The following GOLGA7B variants were observed in gnomAD, a reference collection of about 807,000 sequenced individuals.
The protein encoded by GOLGA7B is golgin subfamily A member 7B.
GOLGA7B carries 17 observed loss-of-function variants against 21.5 expected under a neutral mutation model. That is an observed-to-expected ratio of 0.79 (90% confidence interval 0.54 to 1.19). The LOEUF (loss-of-function observed/expected upper bound fraction) is 1.19, where lower values mean the gene tolerates loss of function less well. GOLGA7B is among the 50% of genes most tolerant of loss of function. GOLGA7B has a pLI of 0.00. For synonymous variants in GOLGA7B, 87 were observed against 84.0 expected (o/e 1.04, Z -0.19); for missense variants, 169 against 224.4 (o/e 0.75, Z 1.58).
chr10:97,850,230 A>AC lies in GOLGA7B; in HGVS notation c.-72dup. The AC allele has an allele frequency of 8.8e-7, 1 of 1,134,488 alleles. No homozygotes were observed. Among genetic ancestry groups the AC allele is most frequent in the Non-Finnish European group, 1.2e-6 (1 of 863,472 alleles). 70.3% of individuals were successfully genotyped at this position (1,134,488 alleles called of 1,614,324 possible). A position where few individuals can be genotyped will look rare whatever the true frequency, so the allele number is the denominator to read the frequency against. ...CAGCTCGCCGCCACCGCCGCCGCCC[A>AC]CCTGCTCCCGGGGTCAGCACCGCGG... On this transcript the variant is annotated 5_prime_UTR_variant, in exon 1 of 5. Transcript: ENST00000370602.
chr10:97,860,059 T>C (rs1007199112), intron 2 of GOLGA7B, among the ~76,000 whole-genome samples: 3 of 152,184 alleles, frequency 2.0e-5, no homozygotes, highest in African/African-American at 7.2e-5. Flanking sequence ...CATTAGACTC[T>C]CTAGGGGTGG....
chr10:97,859,680 A>G (rs1007727261), intron 2 of GOLGA7B, 97 bp downstream of exon 2: 3 of 1,248,724 alleles, frequency 2.4e-6, no homozygotes, highest in East Asian at 2.4e-5. Flanking sequence ...GACACATAAT[A>G]TCATAGGACA....
In GOLGA7B at chr10:97,854,504, T is replaced by A. The variant is rs958192874; in HGVS notation, c.12+4189T>A. The stretch of plus-strand genomic sequence containing the variant: ...CTGTAATATATGTACTCTATGTAGG[T>A]CTGGGAGACTAAGGCTCTGCCATAT... On this transcript the variant is annotated intron_variant, in intron 1 of 4. Transcript: ENST00000370602. Among the ~76,000 whole-genome samples the A allele has an allele frequency of 1.7e-4, 26 of 152,206 alleles. 1 individual carries two copies. The highest frequency in any genetic ancestry group is 9.2e-4 in the Admixed American group (14 of 15,290).
At chr10:97,856,217 AC>A (rs1254511056) in intron 1 of GOLGA7B, among the ~76,000 whole-genome samples, 2 of 151,836 alleles carry the variant, frequency 1.3e-5, no homozygotes, top group African/African-American at 4.8e-5. Context: ...TAATTTTTTA[AC>A]CCTCACCCCC....
chr10:97,871,477 A>G lies in GOLGA7B; in HGVS notation c.*5777A>G, dbSNP rs2050092915. ...TAGGACCTCGTTATACGATGGCCTC[A>G]TGATGTAGATTTATAGCAGGCTTCA... On this transcript the variant is annotated 3_prime_UTR_variant, in exon 5 of 5. Coordinates refer to ENST00000370602, the MANE Select transcript of GOLGA7B (RefSeq NM_001010917.3). 6.6e-6 allele frequency: 1 copy of G among 152,246 alleles called. No individual in the cohort carries two copies. The highest frequency in any genetic ancestry group is 1.5e-5 in the Non-Finnish European group (1 of 68,048). The allele number at this position is 152,246 out of a possible 1,614,324, so 9.4% of individuals were successfully genotyped here. A position where few individuals can be genotyped will look rare whatever the true frequency, so the allele number is the denominator to read the frequency against.
At chr10:97,861,331 G>A (rs1049385946) in intron 2 of GOLGA7B, among the ~76,000 whole-genome samples, 2 of 152,208 alleles carry the variant, frequency 1.3e-5, no homozygotes, top group African/African-American at 4.8e-5. Flanking sequence ...TCTTTTGTGG[G>A]TACAGATCAA....
Position 97,868,179 on chromosome 10 carries a change from T to G in GOLGA7B, c.*2479T>G, listed in dbSNP as rs951371639. The G allele has an allele frequency of 1.3e-5, 2 of 152,220 alleles. No homozygotes were observed. Among genetic ancestry groups the G allele is most frequent in the Non-Finnish European group, 2.9e-5 (2 of 68,044 alleles). 9.4% of individuals were successfully genotyped at this position (152,220 alleles called of 1,614,324 possible). A position where few individuals can be genotyped will look rare whatever the true frequency, so the allele number is the denominator to read the frequency against. ...GATGTTGGAACCTAGCAGAGTTGTGTCTTGAATTTTATAATTTATTGAGCA... is the reference window on the plus strand; with the variant it reads ...GATGTTGGAACCTAGCAGAGTTGTGGCTTGAATTTTATAATTTATTGAGCA... On this transcript the variant is annotated 3_prime_UTR_variant, in exon 5 of 5. Coordinates refer to ENST00000370602, the MANE Select transcript of GOLGA7B (RefSeq NM_001010917.3).
chr10:97,851,101 C>T (rs1383759360), intron 1 of GOLGA7B, among the ~76,000 whole-genome samples: 1 of 152,080 alleles, frequency 6.6e-6, no homozygotes, highest in African/African-American at 2.4e-5. Context: ...TCTTTATGTT[C>T]CCACTTTATA....
At chr10:97,862,376 T>G (rs1023762418) in intron 2 of GOLGA7B, among the ~76,000 whole-genome samples, 1 of 152,180 alleles carries the variant, frequency 6.6e-6, no homozygotes, top group Admixed American at 6.5e-5. Context: ...TCTAAAAACT[T>G]AACTACTAGT....
chr10:97,850,581 G>A (rs769796862), intron 1 of GOLGA7B, among the ~76,000 whole-genome samples: 32 of 152,212 alleles, frequency 2.1e-4, no homozygotes, highest in Non-Finnish European at 4.0e-4. Flanking sequence ...CCCCAGGCTG[G>A]GGTTTCCCCT....
intron 2 of GOLGA7B, among the ~76,000 whole-genome samples, chr10:97,861,024 CTG>C (rs2049968194): frequency 6.6e-6 from 1 of 152,236 alleles, no homozygotes; most frequent in South Asian, 2.1e-4. Context: ...GTTACTAAAA[CTG>C]TGGCCTGTGG....
chr10:97,865,396 C>T (rs1201779248), intron 4 of GOLGA7B, 194 bp from the exon 5 acceptor site: 2 of 918,984 alleles, frequency 2.2e-6, no homozygotes, highest in Non-Finnish European at 3.1e-6. Flanking sequence ...CCTTACGAGT[C>T]TCCCTAATTG....
chr10:97,854,105 G>A (rs2049920501), intron 1 of GOLGA7B, among the ~76,000 whole-genome samples: 1 of 152,216 alleles, frequency 6.6e-6, no homozygotes, highest in African/African-American at 2.4e-5. Context: ...CGTGGCAATA[G>A]TCATCTGTCT....
chr10:97,854,148 C>T (rs922000832), intron 1 of GOLGA7B, among the ~76,000 whole-genome samples: 1 of 152,158 alleles, frequency 6.6e-6, no homozygotes, highest in African/African-American at 2.4e-5. Flanking sequence ...TCTAATTAGC[C>T]CCAGGCCCCA....
chr10:97,865,808 C>T lies in GOLGA7B; in HGVS notation c.*108C>T, dbSNP rs899993403. 16 of 1,401,298 alleles carry T rather than the reference C, an allele frequency of 1.1e-5. No individual in the cohort carries two copies. Among genetic ancestry groups the T allele is most frequent in the Admixed American group, 5.2e-5 (2 of 38,768 alleles). The allele number at this position is 1,401,298 out of a possible 1,614,324, so 86.8% of individuals were successfully genotyped here. A position where few individuals can be genotyped will look rare whatever the true frequency, so the allele number is the denominator to read the frequency against. The stretch of plus-strand genomic sequence containing the variant: ...GCTTCTGAGTCATTCTTTGGGCTCA[C>T]CCTGCTGCCCGGGGTGGGAGGGAGG... On this transcript the variant is annotated 3_prime_UTR_variant, in exon 5 of 5. Coordinates refer to ENST00000370602, the MANE Select transcript of GOLGA7B (RefSeq NM_001010917.3).
At chr10:97,864,775 A>G (rs546558800) in intron 4 of GOLGA7B, among the ~76,000 whole-genome samples, 69 of 152,298 alleles carry the variant, frequency 4.5e-4, no homozygotes, top group Non-Finnish European at 8.7e-4. Context: ...GATGAGAGAC[A>G]TGAGGTCTAG....
chr10:97,853,145 G>A (rs1368887061), intron 1 of GOLGA7B, among the ~76,000 whole-genome samples: 2 of 152,204 alleles, frequency 1.3e-5, no homozygotes, highest in Non-Finnish European at 2.9e-5. Context: ...TCAGGCTTGA[G>A]CACTGGTACA....
chr10:97,850,321 G>A lies in GOLGA7B; in HGVS notation c.12+6G>A. 6.6e-7 allele frequency: 1 copy of A among 1,515,158 alleles called. No homozygotes were observed. The highest frequency in any genetic ancestry group is 8.8e-7 in the Non-Finnish European group (1 of 1,132,488). 93.9% of individuals were successfully genotyped at this position (1,515,158 alleles called of 1,614,324 possible). On this transcript the variant is annotated splice_donor_region_variant and intron_variant, in intron 1 of 4. Transcript: ENST00000370602. Reference sequence around the variant, plus strand: ...CCCGGATCATGGCCACCGAGGTAGGGGCGAGCGCCCCACCCGCAGGCAGTG... The same window carrying A: ...CCCGGATCATGGCCACCGAGGTAGGAGCGAGCGCCCCACCCGCAGGCAGTG...
Position 97,866,622 on chromosome 10 carries a change from ATG to A in GOLGA7B, c.*929_*930del, listed in dbSNP as rs913970708. 3 of 152,264 alleles carry A rather than the reference ATG, an allele frequency of 2.0e-5. No individual in the cohort carries two copies. The highest frequency in any genetic ancestry group is 2.9e-5 in the Non-Finnish European group (2 of 68,054). The allele number at this position is 152,264 out of a possible 1,614,324, so 9.4% of individuals were successfully genotyped here. A position where few individuals can be genotyped will look rare whatever the true frequency, so the allele number is the denominator to read the frequency against. Reference sequence around the variant, plus strand: ...TGTATGTGAGCGCGTGTGTGAGCGCATGTGTGTGCACCAGTGCACAAGTGTAT... The same window carrying A: ...TGTATGTGAGCGCGTGTGTGAGCGCATGTGTGCACCAGTGCACAAGTGTAT... On this transcript the variant is annotated 3_prime_UTR_variant, in exon 5 of 5. Transcript: ENST00000370602.
Sources: gnomAD v4.1 joint callset for allele counts (sites outside exome capture counted in the v4.1 genomes callset) on GRCh38, gnomAD v4.1.1 for gene constraint, MANE v1.5 for transcripts, NCBI Gene and HGNC (gene_info 2026-07-23, HGNC 2026-07-21) for gene names.